MAP3K5: variants seen among roughly 807,000 people sequenced by gnomAD.
MAP3K5 encodes the protein ASK-1.
MAP3K5 carries 56 observed loss-of-function variants against 158.7 expected under a neutral mutation model. The observed-to-expected ratio is 0.35, with a 90% confidence interval of 0.28 to 0.44. The LOEUF (loss-of-function observed/expected upper bound fraction) is 0.44. MAP3K5 is among the 20% of genes least tolerant of loss of function. MAP3K5 has a pLI of 1.00. For missense variants in MAP3K5, 1,294 were observed against 1,674.8 expected (o/e 0.77, Z 3.97); for synonymous variants, 579 against 601.7 (o/e 0.96, Z 0.55).
At chr6:136,678,974 C>T (rs1371641542) in intron 7 of MAP3K5, among the ~76,000 whole-genome samples, 2 of 152,072 alleles carry the variant, frequency 1.3e-5, no homozygotes, top group Non-Finnish European at 2.9e-5. Flanking sequence ...GATCCACATG[C>T]CTCGGCCTCC....
At chr6:136,696,530 T>C (rs530374980) in intron 5 of MAP3K5, among the ~76,000 whole-genome samples, 13 of 152,280 alleles carry the variant, frequency 8.5e-5, no homozygotes, top group African/African-American at 3.1e-4. Flanking sequence ...CAGCCCTCCA[T>C]GGATGTGAGT....
chr6:136,574,356 T>C (rs1392923211), intron 25 of MAP3K5, among the ~76,000 whole-genome samples: 1 of 152,252 alleles, frequency 6.6e-6, no homozygotes, highest in African/African-American at 2.4e-5. Flanking sequence ...TTCACATTAA[T>C]GTGAACTTGG....
At position 136,778,395 on chromosome 6, in the gene MAP3K5, C is replaced by T. The variant is rs1450696531; in HGVS notation, c.448+13315G>A. On this transcript the variant is annotated intron_variant, in intron 1 of 29. Transcript: ENST00000359015. ...ATGAAATGATCTACATTATGAAGTC[C>T]TTAAAATACTCCCTCAGATTTTTTA... Among the ~76,000 whole-genome samples, 5 of 152,212 alleles carry T rather than the reference C, an allele frequency of 3.3e-5. No homozygotes were observed. In the East Asian group the frequency reaches 9.6e-4, roughly 29 times the overall value.
chr6:136,668,874 G>A (rs1476314762), intron 8 of MAP3K5, among the ~76,000 whole-genome samples: 1 of 151,968 alleles, frequency 6.6e-6, no homozygotes, highest in East Asian at 1.9e-4. Flanking sequence ...GGAAAGGTGT[G>A]CTTGAGAAAC....
intron 15 of MAP3K5, among the ~76,000 whole-genome samples, chr6:136,620,409 C>T (rs948000914): frequency 8.5e-5 from 13 of 152,138 alleles, no homozygotes; most frequent in Non-Finnish European, 4.4e-5. Flanking sequence ...TGCGCATGTA[C>T]CCCCTGGTTC....
intron 1 of MAP3K5, among the ~76,000 whole-genome samples, chr6:136,768,414 T>C (rs773463654): frequency 6.6e-6 from 1 of 152,198 alleles, no homozygotes; most frequent in Non-Finnish European, 1.5e-5. Context: ...TCTCCAAAGA[T>C]ATACAAATGG....
chr6:136,660,687 T>C (rs1019618075), intron 8 of MAP3K5, among the ~76,000 whole-genome samples: 1 of 152,212 alleles, frequency 6.6e-6, no homozygotes, highest in Non-Finnish European at 1.5e-5. Context: ...CATTAAATTG[T>C]TGGGAAAATT....
intron 1 of MAP3K5, among the ~76,000 whole-genome samples, chr6:136,761,928 T>C (rs1783776854): frequency 6.6e-6 from 1 of 152,130 alleles, no homozygotes; most frequent in Admixed American, 6.5e-5. Flanking sequence ...GAGGCAGATA[T>C]AACGCATTTG....
chr6:136,651,103 A>T lies in MAP3K5; in HGVS notation c.1681-12T>A. The T allele has an allele frequency of 7.0e-7, 1 of 1,432,506 alleles. No homozygotes were observed. The highest frequency in any genetic ancestry group is 1.2e-5 in the South Asian group (1 of 85,136). 88.7% of individuals were successfully genotyped at this position (1,432,506 alleles called of 1,614,324 possible). A position where few individuals can be genotyped will look rare whatever the true frequency, so the allele number is the denominator to read the frequency against. ...TCTAATATTAATACCTTGAAAAGAT[A>T]CGGCAAAGAAACTAATATCAGTGAC... is the stretch of plus-strand genomic sequence containing the variant. On this transcript the variant is annotated splice_polypyrimidine_tract_variant and intron_variant, in intron 10 of 29. Transcript: ENST00000359015.
intron 20 of MAP3K5, 88 bp downstream of exon 20, chr6:136,601,714 A>G: frequency 8.9e-7 from 1 of 1,122,242 alleles, no homozygotes; most frequent in Non-Finnish European, 1.3e-6. Context: ...ATCTGTAAAC[A>G]GGTTAGTTTA....
intron 8 of MAP3K5, among the ~76,000 whole-genome samples, chr6:136,667,952 A>C (rs1008333665): frequency 2.0e-5 from 3 of 152,220 alleles, no homozygotes; most frequent in African/African-American, 7.2e-5. Flanking sequence ...ATTTAAAAAA[A>C]TAAACAAATA....
intron 14 of MAP3K5, 84 bp from the exon 15 acceptor site, chr6:136,623,065 A>T (rs1776882112): frequency 3.0e-6 from 4 of 1,320,906 alleles, no homozygotes; most frequent in South Asian, 2.5e-5. Context: ...CAAGAGCATT[A>T]TTCCTTATCT....
At chr6:136,659,462 T>G in intron 8 of MAP3K5, 84 bp from the exon 9 acceptor site, 1 of 1,254,334 alleles carries the variant, frequency 8.0e-7, no homozygotes, top group Non-Finnish European at 1.1e-6. Flanking sequence ...AAAATTAAGC[T>G]TTCATTCCTC....
At chr6:136,605,117 C>T in intron 19 of MAP3K5, 92 bp downstream of exon 19, 1 of 1,321,992 alleles carries the variant, frequency 7.6e-7, no homozygotes, top group East Asian at 2.3e-5. Context: ...ACTTAGCACC[C>T]TTTATCTAAA....
rs565262221 is a variant in MAP3K5, at chr6:136,564,910, T to C, written c.3762-2295A>G. 7.2e-5 allele frequency among the ~76,000 whole-genome samples: 11 copies of C among 152,318 alleles called. No individual in the cohort carries two copies. The East Asian group carries it at 1.9e-3, about 27-fold the overall frequency. On this transcript the variant is annotated intron_variant, in intron 26 of 29. Coordinates refer to ENST00000359015, the MANE Select transcript of MAP3K5 (RefSeq NM_005923.4). ...TTCAAATAAGGTGAACGCCAACCCA[T>C]AACAAATCCAGCTCTTTCTGCACAC...
chr6:136,622,766 G>C, intron 15 of MAP3K5, 82 bp downstream of exon 15: 3 of 1,421,650 alleles, frequency 2.1e-6, no homozygotes, highest in Non-Finnish European at 2.9e-6. Context: ...TCATTCATTA[G>C]AATATCATCA....
At chr6:136,749,927 T>C (rs1220637790) in intron 1 of MAP3K5, among the ~76,000 whole-genome samples, 3 of 152,150 alleles carry the variant, frequency 2.0e-5, no homozygotes, top group Admixed American at 6.5e-5. Context: ...CACCTACTGA[T>C]GCTGCTTTCA....
intron 22 of MAP3K5, 35 bp from the exon 23 acceptor site, chr6:136,592,376 C>T (rs1775426045): frequency 2.5e-6 from 4 of 1,595,898 alleles, no homozygotes; most frequent in Non-Finnish European, 3.4e-6. Flanking sequence ...TCACAGTTCC[C>T]TTTATAAAAT....
At position 136,659,236 on chromosome 6, in the gene MAP3K5, T is replaced by C. The variant is rs2114462367; in HGVS notation, c.1509A>G (p.Lys503=). 6.2e-7 allele frequency: 1 copy of C among 1,614,120 alleles called. No individual in the cohort carries two copies. The highest frequency in any genetic ancestry group is 1.7e-4 in the Middle Eastern group (1 of 6,058). Residue 503 remains lysine, a synonymous_variant, in exon 9 of 30, where the codon AAA becomes AAG. Coordinates refer to ENST00000359015, the MANE Select transcript of MAP3K5 (RefSeq NM_005923.4). ...ATTATTACCATGCTGGTGTCTTCAG[T>C]TTAAAAAGCTTTTCAGATGCTTGAA... ...RVIQASEKLF[K]LKTPAWYLKS...
Sources: allele counts gnomAD v4.1 joint callset (sites outside exome capture counted in the v4.1 genomes callset), GRCh38; gene constraint gnomAD v4.1.1; transcripts MANE v1.5; gene names NCBI Gene and HGNC (gene_info 2026-07-23, HGNC 2026-07-21).